The following YPEL2 variants were observed in gnomAD, a reference collection of about 807,000 sequenced individuals.
YPEL2 encodes protein yippee-like 2.
In YPEL2, 2 loss-of-function variants were observed where a neutral mutation model predicts 19.1. The ratio of observed to expected loss-of-function variants is 0.10; its 90% CI spans 0.04 to 0.33. The LOEUF (loss-of-function observed/expected upper bound fraction) is 0.33. Ranked by LOEUF, YPEL2 falls within the 10% of genes least tolerant of loss-of-function variation. YPEL2 has a pLI of 1.00. For missense variants in YPEL2, 66 were observed against 140.7 expected (o/e 0.47, Z 2.68); for synonymous variants, 52 against 50.0 (o/e 1.04, Z -0.17).
intron 2 of YPEL2, among the ~76,000 whole-genome samples, chr17:59,360,266 G>A (rs1008587120): frequency 1.3e-5 from 2 of 152,140 alleles, no homozygotes; most frequent in Non-Finnish European, 2.9e-5. Context: ...TTTTAGTAGA[G>A]ACGGGTTTCA....
At chr17:59,392,856 G>A (rs1298764388) in intron 4 of YPEL2, among the ~76,000 whole-genome samples, 2 of 151,430 alleles carry the variant, frequency 1.3e-5, no homozygotes, top group East Asian at 1.9e-4. Flanking sequence ...TCACCATTTG[G>A]TCAGGCTGGT....
At chr17:59,357,853 T>C (rs531548763) in intron 2 of YPEL2, among the ~76,000 whole-genome samples, 2 of 152,226 alleles carry the variant, frequency 1.3e-5, no homozygotes, top group South Asian at 4.2e-4. Flanking sequence ...GCCCTGTGAC[T>C]TCATGCCAAC....
chr17:59,341,515 C>T (rs557304856), intron 1 of YPEL2, among the ~76,000 whole-genome samples: 5 of 152,100 alleles, frequency 3.3e-5, no homozygotes, highest in South Asian at 2.1e-4. Context: ...AAAAATTAGC[C>T]GGGTGTGGTG....
chr17:59,367,860 G>A (rs1041986661), intron 2 of YPEL2, among the ~76,000 whole-genome samples: 2 of 152,168 alleles, frequency 1.3e-5, no homozygotes, highest in Non-Finnish European at 2.9e-5. Flanking sequence ...TGTCATCACT[G>A]TAATGGGAAG....
rs374908396 is a variant in YPEL2, at chr17:59,353,570, C to T, written c.117+44C>T. 214 of 1,427,238 alleles carry T rather than the reference C, an allele frequency of 1.5e-4. No homozygotes were observed. Among genetic ancestry groups the T allele is most frequent in the Non-Finnish European group, 1.9e-4 (190 of 1,010,288 alleles). The allele number at this position is 1,427,238 out of a possible 1,614,324, so 88.4% of individuals were successfully genotyped here. Reference sequence around the variant, plus strand: ...CCTTCCTTGCCTACCCCGGGGAGGGCGCTTAGTGCTCCTGAAGTTGCAGAG... The same window carrying T: ...CCTTCCTTGCCTACCCCGGGGAGGGTGCTTAGTGCTCCTGAAGTTGCAGAG... On this transcript the variant is annotated intron_variant, in intron 2 of 4. Transcript: ENST00000312655. This position sits in a 1 kb window ranked among gnomAD's most constrained non-coding sequence, Gnocchi z 4.8.
At chr17:59,345,753 C>T (rs1448295411) in intron 1 of YPEL2, among the ~76,000 whole-genome samples, 2 of 152,266 alleles carry the variant, frequency 1.3e-5, no homozygotes, top group East Asian at 3.9e-4. Flanking sequence ...TGCTTTTTCT[C>T]CCTCACTGGT....
intron 2 of YPEL2, among the ~76,000 whole-genome samples, chr17:59,367,140 T>C (rs1192190708): frequency 1.3e-5 from 2 of 152,250 alleles, no homozygotes; most frequent in Non-Finnish European, 1.5e-5. Flanking sequence ...TCTCATGTCT[T>C]TGTTTATTTA....
At chr17:59,375,103 A>G (rs1305826088) in intron 2 of YPEL2, among the ~76,000 whole-genome samples, 1 of 152,192 alleles carries the variant, frequency 6.6e-6, no homozygotes, top group Non-Finnish European at 1.5e-5. Flanking sequence ...GGAGGTAGTG[A>G]GTTCTCTGCC....
At chr17:59,337,897 GACC>G (rs2047707805) in intron 1 of YPEL2, among the ~76,000 whole-genome samples, 1 of 152,160 alleles carries the variant, frequency 6.6e-6, no homozygotes, top group African/African-American at 2.4e-5. Flanking sequence ...CTGTTTCCCA[GACC>G]CAGGCCTCTT....
intron 2 of YPEL2, chr17:59,355,997 G>A (rs970143190): frequency 2.0e-5 from 3 of 152,138 alleles, no homozygotes; most frequent in South Asian, 2.1e-4. Context: ...GCCACCCCCG[G>A]CGTTAAATAA....
At chr17:59,362,374 C>G (rs910036764) in intron 2 of YPEL2, among the ~76,000 whole-genome samples, 5 of 151,964 alleles carry the variant, frequency 3.3e-5, no homozygotes, top group African/African-American at 1.2e-4. Context: ...CACAGTCACG[C>G]CTGCTCCCTG....
chr17:59,397,017 T>G, intron 4 of YPEL2, 84 bp from the exon 5 acceptor site: 1 of 1,021,720 alleles, frequency 9.8e-7, no homozygotes, highest in Non-Finnish European at 1.4e-6. Context: ...GGTGACAGAG[T>G]GAGACTGCCT....
At chr17:59,354,474 G>T (rs2047802697) in intron 2 of YPEL2, 1 of 152,290 alleles carries the variant, frequency 6.6e-6, no homozygotes, top group African/African-American at 2.4e-5. Context: ...GGAAAAGGTG[G>T]CTGTTGCTTT....
chr17:59,360,004 ACT>A (rs2047832360), intron 2 of YPEL2, among the ~76,000 whole-genome samples: 1 of 151,790 alleles, frequency 6.6e-6, no homozygotes, highest in African/African-American at 2.4e-5. Context: ...AGTTCAAGAG[ACT>A]CTCCTGCCTC....
intron 1 of YPEL2, among the ~76,000 whole-genome samples, chr17:59,339,834 A>G (rs1399414839): frequency 3.3e-5 from 5 of 152,154 alleles, no homozygotes; most frequent in Admixed American, 3.3e-4. Flanking sequence ...ATTAATTGAG[A>G]TATGACCCCT....
intron 2 of YPEL2, among the ~76,000 whole-genome samples, chr17:59,385,612 CAGAA>C (rs749704239): frequency 2.6e-4 from 39 of 151,988 alleles, no homozygotes; most frequent in Non-Finnish European, 3.8e-4. Context: ...ATTATAGTGA[CAGAA>C]AGCTGTAATC....
At chr17:59,337,288 C>T (rs921137808) in intron 1 of YPEL2, among the ~76,000 whole-genome samples, 3 of 150,966 alleles carry the variant, frequency 2.0e-5, no homozygotes, top group Admixed American at 6.6e-5. Context: ...CCCGGGTTCA[C>T]GCCATTCTCC....
chr17:59,388,641 G>A (rs1011183805), intron 3 of YPEL2, among the ~76,000 whole-genome samples: 2 of 152,214 alleles, frequency 1.3e-5, no homozygotes, highest in African/African-American at 4.8e-5. Context: ...GAGATTCTGA[G>A]AGCCTCAACC....
chr17:59,381,809 C>T (rs749753136), intron 2 of YPEL2, among the ~76,000 whole-genome samples: 1 of 152,194 alleles, frequency 6.6e-6, no homozygotes, highest in Non-Finnish European at 1.5e-5. Context: ...GGAAAAGAGC[C>T]GCCTTGTTGC....
Sources: gnomAD v4.1 joint callset for allele counts (sites outside exome capture counted in the v4.1 genomes callset) on GRCh38, gnomAD v4.1.1 for gene constraint, Gnocchi (gnomAD v3.1) non-coding constraint, MANE v1.5 for transcripts, NCBI Gene and HGNC (gene_info 2026-07-23, HGNC 2026-07-21) for gene names.